Variants in MOSMO observed in about 807,000 individuals in gnomAD.
The protein encoded by MOSMO is modulator of smoothened protein.
MOSMO carries 5 observed loss-of-function variants against 18.4 expected under a neutral mutation model. The observed-to-expected ratio is 0.27, with a 90% CI of 0.14 to 0.57. The LOEUF (loss-of-function observed/expected upper bound fraction) is 0.57, where lower values mean the gene tolerates loss of function less well. MOSMO is among the 20% of genes least tolerant of loss of function. The pLI is 0.92. For synonymous variants in MOSMO, 82 were observed against 82.3 expected (o/e 1.00, Z 0.02); for missense variants, 138 against 211.8 (o/e 0.65, Z 2.16).
chr16:22,035,396 A>ATTTT (rs1160059034), intron 1 of MOSMO, among the ~76,000 whole-genome samples: 2 of 133,348 alleles, frequency 1.5e-5, no homozygotes, highest in African/African-American at 2.8e-5. Context: ...GCAGGAGGGG[A>ATTTT]TTTTTTTTTT....
intron 1 of MOSMO, among the ~76,000 whole-genome samples, chr16:22,055,483 G>C (rs185924132): frequency 3.2e-4 from 48 of 152,278 alleles, no homozygotes; most frequent in Non-Finnish European, 6.5e-4. Flanking sequence ...CAACAGGATT[G>C]CCACTTCCTC....
chr16:22,089,300 T>C (rs1901247758), downstream of MOSMO, among the ~76,000 whole-genome samples: 1 of 152,114 alleles, frequency 6.6e-6, no homozygotes, highest in Admixed American at 6.5e-5. Flanking sequence ...ACTCCTGGCC[T>C]CAAGCAGTCC....
chr16:22,015,499 A>T (rs1462370422), intron 1 of MOSMO, among the ~76,000 whole-genome samples: 1 of 152,192 alleles, frequency 6.6e-6, no homozygotes, highest in Non-Finnish European at 1.5e-5. Flanking sequence ...ATAAAAGTCT[A>T]TGAAGATAAA....
chr16:22,015,586 A>G (rs548301991), intron 1 of MOSMO, among the ~76,000 whole-genome samples: 3 of 152,196 alleles, frequency 2.0e-5, no homozygotes, highest in Non-Finnish European at 4.4e-5. Flanking sequence ...CATATCAAGT[A>G]ATAATTATCA....
chr16:22,023,669 G>C (rs1461761898), intron 1 of MOSMO, among the ~76,000 whole-genome samples: 1 of 151,836 alleles, frequency 6.6e-6, no homozygotes, highest in Non-Finnish European at 1.5e-5. Flanking sequence ...CATTCAAGCA[G>C]TTCATACCCA....
At chr16:22,038,004 C>T (rs1304772915) in intron 1 of MOSMO, among the ~76,000 whole-genome samples, 2 of 152,162 alleles carry the variant, frequency 1.3e-5, no homozygotes, top group Non-Finnish European at 2.9e-5. Flanking sequence ...CTGAAAGTCC[C>T]AGTCTTCTAA....
intron 2 of MOSMO, among the ~76,000 whole-genome samples, chr16:22,076,962 C>T (rs1900981843): frequency 6.6e-6 from 1 of 152,204 alleles, no homozygotes; most frequent in East Asian, 1.9e-4. Context: ...CCCTGTCCAA[C>T]AGACCTCCTG....
At chr16:22,074,430 C>T (rs1001118470) in intron 1 of MOSMO, among the ~76,000 whole-genome samples, 1 of 151,986 alleles carries the variant, frequency 6.6e-6, no homozygotes, top group East Asian at 1.9e-4. Context: ...CCAAAAAAAT[C>T]CCCCCAAAAT....
At chr16:22,024,386 G>A (rs1216500920) in intron 1 of MOSMO, among the ~76,000 whole-genome samples, 1 of 148,120 alleles carries the variant, frequency 6.8e-6, no homozygotes, top group African/African-American at 2.5e-5. Flanking sequence ...TTTTTTTTGA[G>A]ACGGAGTCTT....
downstream of MOSMO, among the ~76,000 whole-genome samples, chr16:22,091,027 C>T (rs1901304608): frequency 6.6e-6 from 1 of 151,906 alleles, no homozygotes; most frequent in East Asian, 1.9e-4. Flanking sequence ...GCTTGGGGCT[C>T]CCGTGCCTAA....
At chr16:22,058,410 A>C (rs1278730838) in intron 1 of MOSMO, among the ~76,000 whole-genome samples, 1 of 148,974 alleles carries the variant, frequency 6.7e-6, no homozygotes, top group African/African-American at 2.5e-5. Flanking sequence ...TGGGTGACAG[A>C]GCGAGACTCC....
chr16:22,070,535 A>G (rs1366974094), intron 1 of MOSMO, among the ~76,000 whole-genome samples: 1 of 152,204 alleles, frequency 6.6e-6, no homozygotes, highest in Non-Finnish European at 1.5e-5. Flanking sequence ...GGGTAAGAAC[A>G]GGTGAAAGTC....
At chr16:22,022,429 G>C (rs192610378) in intron 1 of MOSMO, among the ~76,000 whole-genome samples, 123 of 152,256 alleles carry the variant, frequency 8.1e-4, no homozygotes, top group African/African-American at 2.7e-3. Flanking sequence ...CTATCCAAAT[G>C]TTTATATGCA....
chr16:22,061,105 C>T (rs1308771382), intron 1 of MOSMO, among the ~76,000 whole-genome samples: 1 of 152,108 alleles, frequency 6.6e-6, no homozygotes, highest in East Asian at 1.9e-4. Flanking sequence ...GGCAAAACTA[C>T]ACTGTTAGAA....
intron 1 of MOSMO, among the ~76,000 whole-genome samples, chr16:22,052,230 T>C (rs1208769278): frequency 6.6e-6 from 1 of 152,190 alleles, no homozygotes; most frequent in African/African-American, 2.4e-5. Context: ...ACTGTACAAA[T>C]ACAGTATATC....
chr16:22,064,696 C>T (rs145946893), intron 1 of MOSMO, among the ~76,000 whole-genome samples: 3 of 152,016 alleles, frequency 2.0e-5, no homozygotes, highest in Non-Finnish European at 2.9e-5. Context: ...TGTGTAATAT[C>T]GTATAAACAT....
chr16:22,010,940 A>G (rs1271763380), intron 1 of MOSMO, among the ~76,000 whole-genome samples: 1 of 152,102 alleles, frequency 6.6e-6, no homozygotes, highest in African/African-American at 2.4e-5. Context: ...ACAGAAAAAA[A>G]AAAAAAAAGG....
intron 1 of MOSMO, among the ~76,000 whole-genome samples, chr16:22,011,963 C>T (rs907323042): frequency 7.6e-5 from 11 of 145,156 alleles, no homozygotes; most frequent in African/African-American, 2.8e-4. Flanking sequence ...TGCAGAGTTA[C>T]ACCTTCCAAA....
intron 1 of MOSMO, among the ~76,000 whole-genome samples, chr16:22,063,567 T>G (rs1472901836): frequency 6.6e-6 from 1 of 152,204 alleles, no homozygotes; most frequent in Non-Finnish European, 1.5e-5. Flanking sequence ...AAAGTTGATG[T>G]AGGGAATCCT....
Sources: gnomAD v4.1 joint callset for allele counts (sites outside exome capture counted in the v4.1 genomes callset) on GRCh38, gnomAD v4.1.1 for gene constraint, MANE v1.5 for transcripts, NCBI Gene and HGNC (gene_info 2026-07-23, HGNC 2026-07-21) for gene names.